Variants in SOX5 observed in about 807,000 individuals in gnomAD.
SOX5 encodes transcription factor SOX-5.
Under a neutral mutation model 92.0 loss-of-function variants are expected in SOX5, and 9 were observed. That is an observed-to-expected ratio of 0.10 (90% confidence interval 0.06 to 0.17). The LOEUF (loss-of-function observed/expected upper bound fraction) is 0.17, where lower values mean the gene tolerates loss of function less well. Ranked by LOEUF, SOX5 falls within the 10% of genes least tolerant of loss-of-function variation. The pLI, the probability that SOX5 is intolerant of heterozygous loss-of-function variation, is 1.00. For missense variants in SOX5, 642 were observed against 944.5 expected (o/e 0.68, Z 4.20); for synonymous variants, 344 against 336.3 (o/e 1.02, Z -0.25).
At chr12:23,786,402 A>G (rs977521021) in intron 3 of SOX5, among the ~76,000 whole-genome samples, 1 of 151,956 alleles carries the variant, frequency 6.6e-6, no homozygotes, top group Non-Finnish European at 1.5e-5. Context: ...TTCCTTGGTA[A>G]CCAAGGATTT....
intron 4 of SOX5, among the ~76,000 whole-genome samples, chr12:24,147,206 A>C (rs2138761512): frequency 1.3e-5 from 2 of 152,328 alleles, no homozygotes; most frequent in South Asian, 4.1e-4. Context: ...TCATGAACAT[A>C]GATGCAAATA....
chr12:24,437,029 T>C (rs1037618758), intron 1 of SOX5, among the ~76,000 whole-genome samples: 6 of 152,192 alleles, frequency 3.9e-5, no homozygotes, highest in Admixed American at 2.0e-4. Context: ...GAAAAAAAGA[T>C]TCCTTTCAAA....
chr12:24,199,676 T>C (rs1353109128), intron 4 of SOX5, among the ~76,000 whole-genome samples: 1 of 152,208 alleles, frequency 6.6e-6, no homozygotes, highest in Admixed American at 6.5e-5. Flanking sequence ...CCTTGGCTCA[T>C]GCTTATGTTG....
At chr12:23,886,986 A>G (rs1024959139) in intron 2 of SOX5, among the ~76,000 whole-genome samples, 3 of 152,184 alleles carry the variant, frequency 2.0e-5, no homozygotes, top group African/African-American at 7.2e-5. Flanking sequence ...ACTATCATTT[A>G]TTATCAACAC....
At chr12:23,687,913 G>A (rs184035623) in intron 6 of SOX5, among the ~76,000 whole-genome samples, 8 of 150,540 alleles carry the variant, frequency 5.3e-5, no homozygotes, top group Admixed American at 3.3e-4. Flanking sequence ...GTTTTGTTTG[G>A]TGTTTCAATC....
chr12:24,258,824 T>C (rs1361307306), intron 3 of SOX5, among the ~76,000 whole-genome samples: 2 of 152,222 alleles, frequency 1.3e-5, no homozygotes. Context: ...TCATTTACTG[T>C]CCAAATCTCT....
chr12:23,805,365 T>C (rs1157442933), intron 3 of SOX5, among the ~76,000 whole-genome samples: 1 of 151,984 alleles, frequency 6.6e-6, no homozygotes, highest in East Asian at 1.9e-4. Context: ...AGGCATATAT[T>C]GGTAAATAGA....
chr12:24,002,499 T>C (rs1012677573), intron 4 of SOX5, among the ~76,000 whole-genome samples: 1 of 150,162 alleles, frequency 6.7e-6, no homozygotes, highest in African/African-American at 2.5e-5. Flanking sequence ...AAGACACAAA[T>C]GATCAAAAAG....
chr12:23,573,603 T>C lies in SOX5; in HGVS notation c.1342+2058A>G, dbSNP rs77680254. Reference sequence around the variant, plus strand: ...TTTGCATCTAAAAAAAGTGTAGTTGTTCTAAAATATGTTCAAAGATACTTT... The same window carrying C: ...TTTGCATCTAAAAAAAGTGTAGTTGCTCTAAAATATGTTCAAAGATACTTT... On this transcript the variant is annotated intron_variant, in intron 10 of 14. Transcript: ENST00000451604. Among the ~76,000 whole-genome samples, 687 of 152,330 alleles carry C rather than the reference T, an allele frequency of 4.5e-3. 3 individuals are homozygous for C. Among genetic ancestry groups the C allele is most frequent in the African/African-American group, 0.016 (654 of 41,570 alleles).
intron 4 of SOX5, among the ~76,000 whole-genome samples, chr12:24,067,425 A>G (rs888292409): frequency 1.3e-5 from 2 of 152,132 alleles, no homozygotes; most frequent in South Asian, 4.2e-4. Flanking sequence ...CCCAAACTCC[A>G]GTGCCTTTCA....
chr12:23,543,494 T>C, intron 12 of SOX5, 110 bp from the exon 13 acceptor site: 2 of 767,912 alleles, frequency 2.6e-6, no homozygotes, highest in Non-Finnish European at 4.2e-6. Context: ...AAAGTACTTC[T>C]GATAATGGTA....
Position 23,594,772 on chromosome 12 carries a change from C to T in SOX5, c.1164+9615G>A, listed in dbSNP as rs142944756. 1.2e-3 allele frequency among the ~76,000 whole-genome samples: 183 copies of T among 152,258 alleles called. 1 individual carries two copies. Among genetic ancestry groups the T allele is most frequent in the African/African-American group, 4.2e-3 (173 of 41,530 alleles). On this transcript the variant is annotated intron_variant, in intron 9 of 14. Coordinates refer to ENST00000451604, the MANE Select transcript of SOX5 (RefSeq NM_006940.6). ...ACTCTTTATCATTCTCCTTCATGTT[C>T]ACTGCACTTTAGCTACCCCAGCCTT...
chr12:23,922,253 GA>G (rs1401386096), intron 1 of SOX5, among the ~76,000 whole-genome samples: 2 of 151,950 alleles, frequency 1.3e-5, no homozygotes, highest in African/African-American at 4.8e-5. Context: ...AAGAAAGAAA[GA>G]AAGAAAGAAA....
intron 1 of SOX5, among the ~76,000 whole-genome samples, chr12:24,483,181 T>C (rs1486404374): frequency 6.6e-6 from 1 of 152,200 alleles, no homozygotes; most frequent in Non-Finnish European, 1.5e-5. Context: ...TCAAAAGCAT[T>C]AGGCTTTCCA....
intron 6 of SOX5, among the ~76,000 whole-genome samples, chr12:23,718,262 T>C (rs1002796974): frequency 6.6e-6 from 1 of 152,196 alleles, no homozygotes. Context: ...ATTATTCTGG[T>C]ATACACACAT....
intron 4 of SOX5, among the ~76,000 whole-genome samples, chr12:23,964,915 C>G (rs1165216347): frequency 6.6e-6 from 1 of 152,220 alleles, no homozygotes; most frequent in Non-Finnish European, 1.5e-5. Context: ...GCTAGGCTTG[C>G]TTTAGCGAAG....
intron 4 of SOX5, among the ~76,000 whole-genome samples, chr12:24,100,155 A>G (rs1388811898): frequency 6.6e-6 from 1 of 152,134 alleles, no homozygotes; most frequent in Non-Finnish European, 1.5e-5. Flanking sequence ...GGAAAATAGA[A>G]TATCAAACGT....
At chr12:24,557,373 G>A (rs1953901690) in intron 1 of SOX5, among the ~76,000 whole-genome samples, 2 of 144,720 alleles carry the variant, frequency 1.4e-5, no homozygotes, top group Non-Finnish European at 3.0e-5. Flanking sequence ...CTGCACTCCA[G>A]CCTGGTGGCA....
intron 6 of SOX5, among the ~76,000 whole-genome samples, chr12:23,714,282 T>C (rs2092316018): frequency 6.6e-6 from 1 of 152,192 alleles, no homozygotes; most frequent in African/African-American, 2.4e-5. Context: ...AATAGACTAA[T>C]TTTAGAACTA....
Sources: allele counts gnomAD v4.1 joint callset (sites outside exome capture counted in the v4.1 genomes callset), GRCh38; gene constraint gnomAD v4.1.1; transcripts MANE v1.5; gene names NCBI Gene and HGNC (gene_info 2026-07-23, HGNC 2026-07-21).